The following PCDH15 variants were observed in gnomAD, a reference collection of about 807,000 sequenced individuals.
PCDH15 encodes protocadherin related 15, also known as protocadherin-15.
Under a neutral mutation model 178.5 loss-of-function variants are expected in PCDH15, and 129 were observed. The observed-to-expected ratio is 0.72, with a 90% CI of 0.63 to 0.84. The LOEUF (loss-of-function observed/expected upper bound fraction) is 0.84. Among genes scored for constraint, PCDH15 ranks in the 40% least tolerant of loss-of-function variants. The pLI is 0.00. For synonymous variants in PCDH15, 800 were observed against 732.0 expected, an observed-to-expected ratio of 1.09 and a Z score of -1.50; for missense variants, 2,230 against 2,099.9, an observed-to-expected ratio of 1.06 and a Z score of -1.21.
intron 2 of PCDH15, among the ~76,000 whole-genome samples, chr10:54,649,253 T>C (rs1371044930): frequency 1.3e-5 from 2 of 152,214 alleles, no homozygotes; most frequent in African/African-American, 4.8e-5. Flanking sequence ...TTTCTACAAA[T>C]ACTTTTCTAA....
At chr10:54,937,173 G>T (rs1302388019) in intron 2 of PCDH15, among the ~76,000 whole-genome samples, 1 of 151,820 alleles carries the variant, frequency 6.6e-6, no homozygotes, top group Non-Finnish European at 1.5e-5. Flanking sequence ...TGAATTCTGT[G>T]TCTATCCTAT....
chr10:53,995,603 T>A (rs371668778), intron 21 of PCDH15, 46 bp downstream of exon 21: 2 of 1,613,278 alleles, frequency 1.2e-6, no homozygotes, highest in African/African-American at 2.7e-5. Context: ...GTGTTAAGGA[T>A]TTTTCTCAGT....
intron 5 of PCDH15, among the ~76,000 whole-genome samples, chr10:54,362,081 A>G (rs1411228124): frequency 1.3e-5 from 2 of 152,130 alleles, no homozygotes; most frequent in East Asian, 3.9e-4. Flanking sequence ...TAAGTAAGTT[A>G]TTTCATGGAA....
intron 15 of PCDH15, among the ~76,000 whole-genome samples, chr10:54,116,534 A>G (rs1452925463): frequency 6.6e-6 from 1 of 152,224 alleles, no homozygotes; most frequent in African/African-American, 2.4e-5. Context: ...CTTATGATGT[A>G]AGAAGCACAT....
intron 17 of PCDH15, among the ~76,000 whole-genome samples, chr10:54,073,342 A>T (rs766365341): frequency 6.6e-6 from 1 of 151,910 alleles, no homozygotes; most frequent in Admixed American, 6.6e-5. Context: ...AAATGTTTAA[A>T]GTTTTACTAT....
At position 54,680,652 on chromosome 10, in the gene PCDH15, C is replaced by G. The variant is rs191590410; in HGVS notation, c.-28-16362G>C. On this transcript the variant is annotated intron_variant, in intron 1 of 37. Coordinates refer to ENST00000644397, the MANE Select transcript of PCDH15 (RefSeq NM_001384140.1). ...GAATCACGGGGCATTTTCCCCCATA[C>G]TGTTCTTGTGATAGTGAATAAGTCT... 3.9e-5 allele frequency among the ~76,000 whole-genome samples: 6 copies of G among 152,076 alleles called. No homozygotes were observed. In the South Asian group the frequency reaches 6.2e-4, roughly 16 times the overall value.
At chr10:53,829,526 A>G (rs1210981704) in intron 30 of PCDH15, among the ~76,000 whole-genome samples, 1 of 152,226 alleles carries the variant, frequency 6.6e-6, no homozygotes. Flanking sequence ...ATTTAACATT[A>G]TAATTAATAA....
chr10:54,564,127 T>C (rs1370523005), intron 2 of PCDH15, among the ~76,000 whole-genome samples: 1 of 148,996 alleles, frequency 6.7e-6, no homozygotes, highest in East Asian at 1.9e-4. Context: ...TTCCTTGTTT[T>C]TCCCCCCCAC....
chr10:54,482,009 A>G (rs1266129310), intron 3 of PCDH15, among the ~76,000 whole-genome samples: 2 of 151,820 alleles, frequency 1.3e-5, no homozygotes, highest in Non-Finnish European at 2.9e-5. Flanking sequence ...CTGACTTCAA[A>G]TCTCATAAGG....
At chr10:54,425,345 G>A (rs1424469400) in intron 3 of PCDH15, among the ~76,000 whole-genome samples, 1 of 152,076 alleles carries the variant, frequency 6.6e-6, no homozygotes. Context: ...GAGCTAGCAT[G>A]TTAGCATTCT....
chr10:54,122,807 A>T (rs1316834641), intron 15 of PCDH15, among the ~76,000 whole-genome samples: 1 of 152,014 alleles, frequency 6.6e-6, no homozygotes, highest in Non-Finnish European at 1.5e-5. Context: ...AAAAGAAGTA[A>T]AATACCTAGG....
intron 2 of PCDH15, among the ~76,000 whole-genome samples, chr10:55,407,391 C>T (rs1237019687): frequency 6.6e-6 from 1 of 152,040 alleles, no homozygotes; most frequent in African/African-American, 2.4e-5. Context: ...TGCCTGATGT[C>T]CTTTACATAG....
intron 2 of PCDH15, among the ~76,000 whole-genome samples, chr10:55,007,024 A>C (rs1290980660): frequency 6.6e-6 from 1 of 152,088 alleles, no homozygotes; most frequent in African/African-American, 2.4e-5. Context: ...CAGCACCCAC[A>C]AGCATCTCTC....
chr10:53,980,151 C>A (rs2090508946), intron 21 of PCDH15, among the ~76,000 whole-genome samples: 1 of 149,856 alleles, frequency 6.7e-6, no homozygotes, highest in Non-Finnish European at 1.5e-5. Context: ...AACTCTGGGG[C>A]AGGAGGTTGC....
intron 1 of PCDH15, among the ~76,000 whole-genome samples, chr10:54,746,363 AAC>A (rs1158932978): frequency 8.5e-5 from 1 of 11,754 alleles, no homozygotes; most frequent in African/African-American, 1.2e-4. Context: ...AATGGGTACA[AAC>A]ATACAGTTAG....
intron 2 of PCDH15, among the ~76,000 whole-genome samples, chr10:55,603,469 A>G (rs1431690530): frequency 2.0e-5 from 3 of 151,926 alleles, no homozygotes; most frequent in African/African-American, 7.3e-5. Flanking sequence ...GAAATGAAGG[A>G]AAAAATGTTA....
intron 1 of PCDH15, among the ~76,000 whole-genome samples, chr10:55,286,320 G>C (rs1030855106): frequency 5.3e-5 from 8 of 151,514 alleles, no homozygotes. Context: ...AAATTTTACT[G>C]TCAGTCCCCT....
At chr10:55,043,744 TAAA>T (rs1765247199) in intron 2 of PCDH15, among the ~76,000 whole-genome samples, 1 of 142,962 alleles carries the variant, frequency 7.0e-6, no homozygotes, top group African/African-American at 2.6e-5. Flanking sequence ...ATAAATAAAA[TAAA>T]TAAATAAATA....
intron 2 of PCDH15, among the ~76,000 whole-genome samples, chr10:54,650,361 A>G (rs968374073): frequency 1.3e-5 from 2 of 152,120 alleles, no homozygotes; most frequent in Non-Finnish European, 2.9e-5. Flanking sequence ...CTGATCTCTA[A>G]ACTAGGCATA....
Sources: allele counts gnomAD v4.1 joint callset (sites outside exome capture counted in the v4.1 genomes callset), GRCh38; gene constraint gnomAD v4.1.1; transcripts MANE v1.5; gene names NCBI Gene and HGNC (gene_info 2026-07-23, HGNC 2026-07-21).